Variants in UBR1 observed in about 807,000 individuals in gnomAD.
UBR1 encodes the protein ubiquitin protein ligase E3 component n-recognin 1.
Under a neutral mutation model 242.1 loss-of-function variants are expected in UBR1, and 102 were observed. The ratio of observed to expected loss-of-function variants is 0.42; its 90% confidence interval spans 0.36 to 0.50. UBR1 has a LOEUF of 0.50. UBR1 is among the 20% of genes least tolerant of loss of function. The pLI is 0.01. For synonymous variants in UBR1, 675 were observed against 684.8 expected (o/e 0.99, Z 0.22); for missense variants, 1,772 against 2,101.8 (o/e 0.84, Z 3.07).
intron 2 of UBR1, among the ~76,000 whole-genome samples, chr15:43,083,246 G>A (rs1447703757): frequency 6.6e-6 from 1 of 152,164 alleles, no homozygotes; most frequent in African/African-American, 2.4e-5. Context: ...AATATTCATT[G>A]AACAAATGAA....
At chr15:43,064,271 AAC>A (rs1267133375) in intron 6 of UBR1, among the ~76,000 whole-genome samples, 1 of 152,226 alleles carries the variant, frequency 6.6e-6, no homozygotes, top group East Asian at 1.9e-4. Context: ...AGTTGAAGAA[AAC>A]AGAGGAAAGC....
At chr15:43,041,422 A>G (rs2033416096) in intron 15 of UBR1, among the ~76,000 whole-genome samples, 1 of 152,134 alleles carries the variant, frequency 6.6e-6, no homozygotes, top group African/African-American at 2.4e-5. Flanking sequence ...GAAGGGGAAC[A>G]TCACACACCG....
At chr15:43,088,183 A>C (rs544824314) in intron 1 of UBR1, among the ~76,000 whole-genome samples, 11 of 152,344 alleles carry the variant, frequency 7.2e-5, no homozygotes, top group African/African-American at 1.9e-4. Context: ...CATAACAGCA[A>C]AAAATTAAAA....
chr15:43,058,815 T>C (rs1408048954), intron 9 of UBR1, among the ~76,000 whole-genome samples: 1 of 152,192 alleles, frequency 6.6e-6, no homozygotes, highest in Non-Finnish European at 1.5e-5. Context: ...CCTGAATATA[T>C]AGATACATGT....
chr15:43,056,561 C>T, intron 10 of UBR1, 119 bp from the exon 11 acceptor site: 1 of 656,564 alleles, frequency 1.5e-6, no homozygotes, highest in Non-Finnish European at 2.6e-6. Flanking sequence ...AATATAATTC[C>T]TATTTATTAA....
chr15:43,068,089 T>TAAAAA, intron 5 of UBR1, 53 bp from the exon 6 acceptor site: 4 of 787,312 alleles, frequency 5.1e-6, no homozygotes, highest in South Asian at 4.2e-5. Context: ...AAAGGAAAAG[T>TAAAAA]AAAAAAAAAA....
intron 4 of UBR1, among the ~76,000 whole-genome samples, chr15:43,073,320 G>A (rs183814495): frequency 6.6e-6 from 1 of 152,012 alleles, no homozygotes; most frequent in Non-Finnish European, 1.5e-5. Flanking sequence ...CAATAATTTA[G>A]AAGTATGTAA....
chr15:43,028,662 T>C (rs1191613191), intron 21 of UBR1, among the ~76,000 whole-genome samples: 1 of 151,342 alleles, frequency 6.6e-6, no homozygotes, highest in Admixed American at 6.6e-5. Flanking sequence ...GGAGAATCAC[T>C]TGAACACAGG....
At chr15:43,028,744 A>G (rs1176477056) in intron 21 of UBR1, among the ~76,000 whole-genome samples, 1 of 148,492 alleles carries the variant, frequency 6.7e-6, no homozygotes, top group Non-Finnish European at 1.5e-5. Flanking sequence ...GACTCCATCA[A>G]ACAAAAAAAA....
At chr15:43,036,369 C>A (rs907991523) in intron 18 of UBR1, 90 bp from the exon 19 acceptor site, 1 of 1,328,612 alleles carries the variant, frequency 7.5e-7, no homozygotes, top group Admixed American at 1.7e-5. Flanking sequence ...AAAAAGTTTG[C>A]AGAAGATAAT....
At chr15:42,978,892 C>CTTTTT (rs754093273) in intron 37 of UBR1, among the ~76,000 whole-genome samples, 2 of 94,050 alleles carry the variant, frequency 2.1e-5, no homozygotes, top group Admixed American at 1.1e-4. Context: ...CCACGCCCGG[C>CTTTTT]TTTTTTTTTT....
chr15:42,969,342 C>T (rs544109816), intron 40 of UBR1, among the ~76,000 whole-genome samples: 6 of 152,234 alleles, frequency 3.9e-5, no homozygotes, highest in South Asian at 2.1e-4. Context: ...TCATATCCTT[C>T]GCCCACTTTC....
intron 1 of UBR1, among the ~76,000 whole-genome samples, chr15:43,097,600 C>T (rs565100918): frequency 6.6e-6 from 1 of 152,218 alleles, no homozygotes; most frequent in Non-Finnish European, 1.5e-5. Context: ...GCATAACTTG[C>T]TGCATCTTCT....
At chr15:43,022,010 T>A (rs1698029843) in intron 26 of UBR1, among the ~76,000 whole-genome samples, 3 of 152,170 alleles carry the variant, frequency 2.0e-5, no homozygotes, top group African/African-American at 7.2e-5. Flanking sequence ...GTCTTTCCTC[T>A]GCTTGACTCA....
chr15:42,970,412 A>G, intron 40 of UBR1, 108 bp downstream of exon 40: 1 of 1,185,434 alleles, frequency 8.4e-7, no homozygotes, highest in Admixed American at 1.7e-5. Context: ...CTAGGCAATA[A>G]CTGATTATTT....
At chr15:42,952,172 CTGAT>C (rs756621251) in intron 45 of UBR1, 102 bp downstream of exon 45, 33 of 1,382,626 alleles carry the variant, frequency 2.4e-5, no homozygotes, top group Admixed American at 1.8e-4. Flanking sequence ...ACTCTAACTT[CTGAT>C]TGATTATTTG....
At chr15:43,103,074 A>G (rs2034257657) in intron 1 of UBR1, among the ~76,000 whole-genome samples, 3 of 152,220 alleles carry the variant, frequency 2.0e-5, no homozygotes, top group African/African-American at 7.2e-5. Context: ...AGGCTGAGGC[A>G]CAAGAATTGC....
At chr15:43,005,111 C>T (rs1022130351) in intron 30 of UBR1, among the ~76,000 whole-genome samples, 7 of 151,832 alleles carry the variant, frequency 4.6e-5, no homozygotes, top group Non-Finnish European at 5.9e-5. Flanking sequence ...CCAGCCGCCC[C>T]GTCTGAGAAG....
chr15:43,031,430 T>G (rs936572873), intron 20 of UBR1, among the ~76,000 whole-genome samples: 2 of 152,162 alleles, frequency 1.3e-5, no homozygotes, highest in Non-Finnish European at 2.9e-5. Flanking sequence ...TTTGAAAAAG[T>G]ATATAATCAA....
Sources: allele counts gnomAD v4.1 joint callset (sites outside exome capture counted in the v4.1 genomes callset), GRCh38; gene constraint gnomAD v4.1.1; transcripts MANE v1.5; gene names NCBI Gene and HGNC (gene_info 2026-07-23, HGNC 2026-07-21).